Variants in GUCY2C observed in about 807,000 individuals in gnomAD.
The protein encoded by GUCY2C is guanylyl cyclase C.
In GUCY2C, 118 loss-of-function variants were observed where a neutral mutation model predicts 131.1. The observed-to-expected ratio is 0.90, with a 90% confidence interval of 0.78 to 1.05. GUCY2C has a LOEUF of 1.05. GUCY2C is among the 50% of genes least tolerant of loss of function. The pLI is 0.00. For synonymous variants in GUCY2C, 452 were observed against 457.8 expected (o/e 0.99, Z 0.16); for missense variants, 1,161 against 1,304.4 (o/e 0.89, Z 1.69).
chr12:14,657,651 T>C (rs1947788675), intron 11 of GUCY2C, among the ~76,000 whole-genome samples: 1 of 152,166 alleles, frequency 6.6e-6, no homozygotes, highest in African/African-American at 2.4e-5. Flanking sequence ...CGAACCCTAT[T>C]GAGAACTGCA....
intron 12 of GUCY2C, among the ~76,000 whole-genome samples, chr12:14,654,723 G>T (rs1565621170): frequency 6.6e-6 from 1 of 152,124 alleles, no homozygotes; most frequent in East Asian, 1.9e-4. Context: ...CAGTGGGGAG[G>T]TGCTTGAGGA....
At chr12:14,637,201 A>AAC (rs1009631685) in intron 19 of GUCY2C, among the ~76,000 whole-genome samples, 8 of 151,034 alleles carry the variant, frequency 5.3e-5, no homozygotes, top group Non-Finnish European at 7.4e-5. Flanking sequence ...GCTACCAAAA[A>AAC]AAAAAAAAAA....
intron 16 of GUCY2C, among the ~76,000 whole-genome samples, chr12:14,644,353 G>A (rs1222930450): frequency 2.0e-5 from 3 of 152,160 alleles, no homozygotes; most frequent in Non-Finnish European, 4.4e-5. Context: ...GTGACACAGT[G>A]AGACTCCGTC....
rs1946722351 is a variant in GUCY2C, at chr12:14,614,783, G to A, written c.3047+84C>T. 3 of 762,926 alleles carry A rather than the reference G, an allele frequency of 3.9e-6. No individual in the cohort carries two copies. In the South Asian group the frequency reaches 5.0e-5, roughly 13 times the overall value. 47.3% of individuals were successfully genotyped at this position (762,926 alleles called of 1,614,324 possible). On this transcript the variant is annotated intron_variant, in intron 26 of 26. Transcript: ENST00000261170. ...TTATGCAATATATGCCACTTGTAAG[G>A]CATTTGCCAATTTAAATTGGCTGTA... is the stretch of plus-strand genomic sequence containing the variant.
chr12:14,656,239 T>C (rs1376163297), intron 12 of GUCY2C, among the ~76,000 whole-genome samples: 2 of 152,294 alleles, frequency 1.3e-5, no homozygotes, highest in African/African-American at 4.8e-5. Flanking sequence ...CCATGGCAAA[T>C]TCCCAATATG....
At chr12:14,663,098 C>A (rs565042786) in intron 10 of GUCY2C, among the ~76,000 whole-genome samples, 2 of 152,144 alleles carry the variant, frequency 1.3e-5, no homozygotes, top group Admixed American at 1.3e-4. Context: ...TGTATCAATA[C>A]AAAAAATTAA....
In GUCY2C at chr12:14,674,546, C is replaced by A. The variant is rs561242206; in HGVS notation, c.1084+79G>T. 16 of 1,327,208 alleles carry A rather than the reference C, an allele frequency of 1.2e-5. No individual in the cohort carries two copies. In the South Asian group the frequency reaches 1.8e-4, roughly 15 times the overall value. 82.2% of individuals were successfully genotyped at this position (1,327,208 alleles called of 1,614,324 possible). On this transcript the variant is annotated intron_variant, in intron 8 of 26. Coordinates refer to ENST00000261170, the MANE Select transcript of GUCY2C (RefSeq NM_004963.4). ...AGCTGTGGAATCATCTATTGCTAAA[C>A]CTTCTTTGTTGCCCCAAATCCACTC...
intron 19 of GUCY2C, among the ~76,000 whole-genome samples, chr12:14,629,437 G>C (rs973633809): frequency 2.6e-5 from 4 of 152,196 alleles, no homozygotes; most frequent in African/African-American, 4.8e-5. Flanking sequence ...TCAGGACTCA[G>C]ACCTTAGTTG....
chr12:14,624,248 C>T (rs1946958594), intron 21 of GUCY2C, among the ~76,000 whole-genome samples: 1 of 152,088 alleles, frequency 6.6e-6, no homozygotes, highest in Non-Finnish European at 1.5e-5. Flanking sequence ...CGAGACCAGT[C>T]TGGCCAACAT....
chr12:14,640,033 T>A, intron 18 of GUCY2C, 83 bp from the exon 19 acceptor site: 5 of 904,600 alleles, frequency 5.5e-6, no homozygotes, highest in Admixed American at 3.5e-5. Context: ...ATCCAGTTGA[T>A]TCACTCCCCT....
chr12:14,688,892 A>C (rs1948526899), intron 1 of GUCY2C, among the ~76,000 whole-genome samples: 1 of 152,196 alleles, frequency 6.6e-6, no homozygotes, highest in Admixed American at 6.5e-5. Flanking sequence ...CGTAGTCCTG[A>C]CAGAGTAAGT....
chr12:14,645,208 C>A (rs765367936), intron 16 of GUCY2C, 21 bp downstream of exon 16: 3 of 1,233,938 alleles, frequency 2.4e-6, no homozygotes, highest in East Asian at 4.7e-5. Flanking sequence ...TTCATATTTT[C>A]TGTGTGTGTG....
intron 3 of GUCY2C, among the ~76,000 whole-genome samples, chr12:14,683,707 T>A (rs567074553): frequency 6.6e-6 from 1 of 152,204 alleles, no homozygotes. Flanking sequence ...ATGCTTAGTA[T>A]GTATTTAACG....
At chr12:14,659,361 C>T (rs1565623247) in intron 11 of GUCY2C, among the ~76,000 whole-genome samples, 1 of 152,070 alleles carries the variant, frequency 6.6e-6, no homozygotes, top group Non-Finnish European at 1.5e-5. Flanking sequence ...TATTTCTTAG[C>T]TGTCACATAC....
intron 19 of GUCY2C, 64 bp downstream of exon 19, chr12:14,639,798 A>G (rs1947355614): frequency 1.9e-6 from 2 of 1,053,404 alleles, no homozygotes; most frequent in East Asian, 4.7e-5. Flanking sequence ...TGTTGTTTTA[A>G]TCCATTACAT....
intron 15 of GUCY2C, 33 bp downstream of exon 15, chr12:14,651,374 A>T: frequency 1.0e-6 from 1 of 987,670 alleles, no homozygotes. Context: ...TTTTTATATG[A>T]TTAGAAAATT....
intron 19 of GUCY2C, among the ~76,000 whole-genome samples, chr12:14,638,307 G>C (rs546255534): frequency 6.6e-6 from 1 of 151,934 alleles, no homozygotes; most frequent in Non-Finnish European, 1.5e-5. Flanking sequence ...AAATAGGATA[G>C]AGATTTCTCA....
In GUCY2C at chr12:14,613,698, C is replaced by T. The variant is rs745727698; in HGVS notation, c.3048-407G>A. 1.3e-5 allele frequency among the ~76,000 whole-genome samples: 2 copies of T among 152,008 alleles called. No homozygotes were observed. The highest frequency in any genetic ancestry group is 2.9e-5 in the Non-Finnish European group (2 of 67,996). On this transcript the variant is annotated intron_variant, in intron 26 of 26. Coordinates refer to ENST00000261170, the MANE Select transcript of GUCY2C (RefSeq NM_004963.4). This position sits in a 1 kb window ranked among gnomAD's most constrained non-coding sequence, Gnocchi z 4.9. ...AGGCTTAGAATGGTGGAGGGGACCA[C>T]GAGTTTAGAATGGACCTGGAACACT...
At position 14,622,055 on chromosome 12, in the gene GUCY2C, C is replaced by T. The variant is rs370239550; in HGVS notation, c.2551G>A (p.Asp851Asn). 8 of 1,610,484 alleles carry T rather than the reference C, an allele frequency of 5.0e-6. No individual in the cohort carries two copies. The African/African-American group carries it at 9.4e-5, about 19-fold the overall frequency. ...TPMEVVDMLN[D>N]IYKSFDHIVD... Reference sequence around the variant, plus strand: ...ATGTGGTCAAAACTCTTATAGATGTCATTAAGCATGTCCACCACTTCCATG... The same window carrying T: ...ATGTGGTCAAAACTCTTATAGATGTTATTAAGCATGTCCACCACTTCCATG... Residue 851 changes from aspartate to asparagine, a missense_variant, in exon 22 of 27, where the codon GAC becomes AAC. By Grantham distance (23) the Asp-to-Asn change is conservative. Coordinates refer to ENST00000261170, the MANE Select transcript of GUCY2C (RefSeq NM_004963.4).
Sources: gnomAD v4.1 joint callset for allele counts (sites outside exome capture counted in the v4.1 genomes callset) on GRCh38, gnomAD v4.1.1 for gene constraint, Gnocchi (gnomAD v3.1) non-coding constraint, MANE v1.5 for transcripts, NCBI Gene and HGNC (gene_info 2026-07-23, HGNC 2026-07-21) for gene names.